The following NELL2 variants were observed in gnomAD, a reference collection of about 807,000 sequenced individuals.
The protein encoded by NELL2 is protein kinase C-binding protein NELL2.
Under a neutral mutation model 109.6 loss-of-function variants are expected in NELL2, and 41 were observed. The ratio of observed to expected loss-of-function variants is 0.37; its 90% confidence interval spans 0.29 to 0.49. The LOEUF (loss-of-function observed/expected upper bound fraction) is 0.49, where lower values mean the gene tolerates loss of function less well. NELL2 is among the 20% of genes least tolerant of loss of function. The pLI is 0.98. For synonymous variants in NELL2, 355 were observed against 344.7 expected (o/e 1.03, Z -0.33); for missense variants, 900 against 1,008.3 (o/e 0.89, Z 1.45).
intron 13 of NELL2, among the ~76,000 whole-genome samples, chr12:44,651,095 T>C (rs1049816943): frequency 2.0e-5 from 3 of 152,172 alleles, no homozygotes; most frequent in African/African-American, 7.2e-5. Context: ...TATTATGAAC[T>C]GCACATGCAA....
intron 9 of NELL2, among the ~76,000 whole-genome samples, chr12:44,770,541 TAA>T (rs941843431): frequency 6.6e-6 from 1 of 152,194 alleles, no homozygotes; most frequent in African/African-American, 2.4e-5. Flanking sequence ...CTTTTAAAAT[TAA>T]GTTTAAAATA....
intron 1 of NELL2, among the ~76,000 whole-genome samples, chr12:44,884,352 A>T (rs927684681): frequency 6.6e-6 from 1 of 151,970 alleles, no homozygotes; most frequent in South Asian, 2.1e-4. Context: ...AAAGAGTAAT[A>T]GAACTGAAAG....
At chr12:44,549,429 C>G (rs531212926) in intron 15 of NELL2, among the ~76,000 whole-genome samples, 15 of 152,282 alleles carry the variant, frequency 9.9e-5, no homozygotes, top group African/African-American at 3.6e-4. Flanking sequence ...TCTAAAATGT[C>G]TGCCAACCAG....
intron 2 of NELL2, among the ~76,000 whole-genome samples, chr12:44,855,173 GC>G (rs2136789252): frequency 6.6e-6 from 1 of 152,230 alleles, no homozygotes; most frequent in African/African-American, 2.4e-5. Flanking sequence ...CTATTCAACA[GC>G]AATTGGTAGT....
chr12:44,617,408 C>CTTGCAATAATAAGGA (rs1409259102), intron 13 of NELL2, among the ~76,000 whole-genome samples: 8 of 106,542 alleles, frequency 7.5e-5, no homozygotes, highest in African/African-American at 3.1e-4. Flanking sequence ...GCAGTTGTGG[C>CTTGCAATAATAAGGA]CGGGCGCGGT....
chr12:44,663,614 G>C (rs1214413387), intron 13 of NELL2, among the ~76,000 whole-genome samples: 5 of 152,170 alleles, frequency 3.3e-5, no homozygotes, highest in African/African-American at 9.7e-5. Context: ...CTTTGAAATG[G>C]TAAGGGAAAA....
intron 1 of NELL2, among the ~76,000 whole-genome samples, chr12:44,884,478 T>C (rs1945449209): frequency 6.6e-6 from 1 of 151,998 alleles, no homozygotes; most frequent in Non-Finnish European, 1.5e-5. Flanking sequence ...ATTTAAAGGA[T>C]AATTAATAGC....
chr12:44,590,485 AT>A (rs995792272), intron 15 of NELL2, among the ~76,000 whole-genome samples: 34 of 152,242 alleles, frequency 2.2e-4, no homozygotes, highest in African/African-American at 7.7e-4. Flanking sequence ...TTTTCAACAG[AT>A]TTTTTAAAGC....
intron 11 of NELL2, 34 bp from the exon 12 acceptor site, chr12:44,703,888 T>C (rs1937701813): frequency 6.3e-7 from 1 of 1,586,640 alleles, no homozygotes; most frequent in Admixed American, 1.8e-5. Flanking sequence ...TTAAGGTAAA[T>C]GAAACTATGA....
intron 13 of NELL2, among the ~76,000 whole-genome samples, chr12:44,663,182 A>G (rs1292798943): frequency 6.6e-6 from 1 of 152,138 alleles, no homozygotes; most frequent in African/African-American, 2.4e-5. Context: ...CAATCCCAGG[A>G]CATAAAATGA....
intron 9 of NELL2, among the ~76,000 whole-genome samples, chr12:44,750,452 A>T (rs1940601672): frequency 6.6e-6 from 1 of 152,204 alleles, no homozygotes; most frequent in Admixed American, 6.5e-5. Flanking sequence ...GCTTTCATGC[A>T]GCCATATTAT....
At chr12:44,815,194 C>T (rs1218366354) in intron 3 of NELL2, among the ~76,000 whole-genome samples, 1 of 152,050 alleles carries the variant, frequency 6.6e-6, no homozygotes. Context: ...TTCCTCCTTT[C>T]CCCCCATCCA....
chr12:44,750,279 C>T (rs933200707), intron 9 of NELL2, among the ~76,000 whole-genome samples: 1 of 151,980 alleles, frequency 6.6e-6, no homozygotes, highest in Non-Finnish European at 1.5e-5. Context: ...TCAGAGAAGC[C>T]CATAATTACC....
intron 3 of NELL2, among the ~76,000 whole-genome samples, chr12:44,801,223 TA>T (rs2136653035): frequency 6.6e-6 from 1 of 152,282 alleles, no homozygotes; most frequent in East Asian, 1.9e-4. Flanking sequence ...AGTTACCCAA[TA>T]ATGTAGACCA....
intron 9 of NELL2, among the ~76,000 whole-genome samples, chr12:44,718,066 G>T (rs1300594975): frequency 6.6e-6 from 1 of 152,158 alleles, no homozygotes; most frequent in Non-Finnish European, 1.5e-5. Flanking sequence ...AGAAACAAAA[G>T]ATTTGAAAGA....
intron 15 of NELL2, among the ~76,000 whole-genome samples, chr12:44,588,837 T>C (rs1450099556): frequency 6.6e-6 from 1 of 152,220 alleles, no homozygotes; most frequent in Non-Finnish European, 1.5e-5. Context: ...AGGAACTCTG[T>C]ATCCATTATG....
At chr12:44,513,982 T>A (rs1592051206) in intron 19 of NELL2, among the ~76,000 whole-genome samples, 1 of 145,242 alleles carries the variant, frequency 6.9e-6, no homozygotes. Context: ...CCTAAGTGCA[T>A]CATAGTCAAA....
chr12:44,527,027 T>C (rs1339901080), intron 16 of NELL2, among the ~76,000 whole-genome samples: 3 of 152,202 alleles, frequency 2.0e-5, no homozygotes, highest in Admixed American at 2.0e-4. Flanking sequence ...AATAATCTCA[T>C]CATACTTAGC....
In NELL2 at chr12:44,732,248, C is replaced by A. The variant is rs966265374; in HGVS notation, c.995-17507G>T. 3.9e-5 allele frequency among the ~76,000 whole-genome samples: 6 copies of A among 151,962 alleles called. No homozygotes were observed. In the East Asian group the frequency reaches 1.2e-3, roughly 29 times the overall value. On this transcript the variant is annotated intron_variant, in intron 9 of 19. Transcript: ENST00000429094. ...AAAATTCATATGGAGCCATAAAGGA[C>A]CCTAAATAGCTGAAAAAATCTTGAG...
Sources: allele counts gnomAD v4.1 joint callset (sites outside exome capture counted in the v4.1 genomes callset), GRCh38; gene constraint gnomAD v4.1.1; transcripts MANE v1.5; gene names NCBI Gene and HGNC (gene_info 2026-07-23, HGNC 2026-07-21).